LRRTM4: variants seen among roughly 807,000 people sequenced by gnomAD.
The protein encoded by LRRTM4 is leucine rich repeat transmembrane neuronal 4.
LRRTM4 carries 25 observed loss-of-function variants against 47.6 expected under a neutral mutation model. The ratio of observed to expected loss-of-function variants is 0.53; its 90% CI spans 0.38 to 0.73. The LOEUF is 0.73. LRRTM4 is among the 30% of genes least tolerant of loss of function. LRRTM4 has a pLI of 0.00. For synonymous variants in LRRTM4, 311 were observed against 269.5 expected, an observed-to-expected ratio of 1.15 and a Z score of -1.51; for missense variants, 638 against 713.4, an observed-to-expected ratio of 0.89 and a Z score of 1.20.
At chr2:77,192,629 C>A (rs1276342174) in intron 3 of LRRTM4, among the ~76,000 whole-genome samples, 1 of 146,784 alleles carries the variant, frequency 6.8e-6, no homozygotes, top group Non-Finnish European at 1.5e-5. Flanking sequence ...GTAGACTGCA[C>A]AATTTCCAAA....
chr2:76,907,854 G>C (rs1422602687), intron 3 of LRRTM4, among the ~76,000 whole-genome samples: 1 of 138,026 alleles, frequency 7.2e-6, no homozygotes, highest in Non-Finnish European at 1.5e-5. Context: ...ATAATCAATA[G>C]CTTACCAACC....
chr2:77,077,364 G>C (rs1440397567), intron 3 of LRRTM4, among the ~76,000 whole-genome samples: 1 of 152,086 alleles, frequency 6.6e-6, no homozygotes, highest in Non-Finnish European at 1.5e-5. Flanking sequence ...CCCAGTCTAG[G>C]AACATGGTAA....
intron 3 of LRRTM4, among the ~76,000 whole-genome samples, chr2:76,827,708 G>A (rs1671226924): frequency 6.6e-6 from 1 of 151,832 alleles, no homozygotes; most frequent in Non-Finnish European, 1.5e-5. Flanking sequence ...AATATATTGA[G>A]TACTGATAAG....
intron 3 of LRRTM4, among the ~76,000 whole-genome samples, chr2:76,960,974 AT>A (rs1675838946): frequency 6.6e-6 from 1 of 151,482 alleles, no homozygotes; most frequent in African/African-American, 2.4e-5. Context: ...AAGATAATTT[AT>A]TTTTTCAATA....
intron 3 of LRRTM4, among the ~76,000 whole-genome samples, chr2:76,902,560 G>C (rs906481136): frequency 6.6e-6 from 1 of 152,188 alleles, no homozygotes; most frequent in African/African-American, 2.4e-5. Flanking sequence ...TTGGGGGATA[G>C]AACTAGAAGA....
intron 3 of LRRTM4, among the ~76,000 whole-genome samples, chr2:76,995,514 G>A (rs746543334): frequency 1.3e-4 from 5 of 38,932 alleles, no homozygotes; most frequent in East Asian, 1.3e-3. Context: ...GAAGTTTCTA[G>A]ATCAAATTCT....
chr2:76,887,670 T>C (rs1486016251), intron 3 of LRRTM4, among the ~76,000 whole-genome samples: 1 of 132,588 alleles, frequency 7.5e-6, no homozygotes, highest in Non-Finnish European at 1.6e-5. Context: ...TGTATTTATA[T>C]ATATATGTGC....
chr2:77,476,669 T>C (rs908308089), intron 3 of LRRTM4, among the ~76,000 whole-genome samples: 1 of 152,148 alleles, frequency 6.6e-6, no homozygotes, highest in Non-Finnish European at 1.5e-5. Context: ...ATGACATATT[T>C]CATGACGTAG....
intron 3 of LRRTM4, among the ~76,000 whole-genome samples, chr2:77,436,423 A>AT (rs1478307221): frequency 6.6e-6 from 1 of 151,944 alleles, no homozygotes; most frequent in African/African-American, 2.4e-5. Context: ...ATTATATGTG[A>AT]TTTTTATAAT....
intron 3 of LRRTM4, among the ~76,000 whole-genome samples, chr2:76,871,985 G>A (rs927009654): frequency 1.6e-4 from 25 of 152,284 alleles, no homozygotes; most frequent in African/African-American, 5.8e-4. Flanking sequence ...GTCAGCAACT[G>A]GATTGAAGCC....
chr2:77,303,528 A>C (rs941525491), intron 3 of LRRTM4, among the ~76,000 whole-genome samples: 14 of 152,226 alleles, frequency 9.2e-5, no homozygotes, highest in African/African-American at 3.4e-4. Flanking sequence ...TTGCTGGCTC[A>C]GACTTTATCA....
rs1160398444 is a variant in LRRTM4 at position 76,798,415 on chromosome 2, A to G, written c.1552-49499T>C. 4.0e-5 allele frequency among the ~76,000 whole-genome samples: 6 copies of G among 151,864 alleles called. No individual in the cohort carries two copies. In the South Asian group the frequency reaches 8.4e-4, roughly 21 times the overall value. The stretch of plus-strand genomic sequence containing the variant: ...CTTTGAAACCAACGAGAACAAAGAC[A>G]CAACATACCAGAATCTCTGGGACGC... On this transcript the variant is annotated intron_variant, in intron 3 of 3. Coordinates refer to ENST00000409884, the MANE Select transcript of LRRTM4 (RefSeq NM_001134745.3).
intron 3 of LRRTM4, among the ~76,000 whole-genome samples, chr2:77,244,649 A>T (rs1675379721): frequency 6.6e-6 from 1 of 151,930 alleles, no homozygotes; most frequent in South Asian, 2.1e-4. Context: ...GGCTAGACTT[A>T]GAAGTTCATA....
At chr2:77,344,870 G>A (rs546947868) in intron 3 of LRRTM4, among the ~76,000 whole-genome samples, 25 of 150,974 alleles carry the variant, frequency 1.7e-4, no homozygotes, top group Admixed American at 9.9e-4. Context: ...TTAATGTCTC[G>A]ATGAACATAC....
intron 3 of LRRTM4, among the ~76,000 whole-genome samples, chr2:77,175,818 AC>A (rs1367068652): frequency 6.6e-6 from 1 of 151,946 alleles, no homozygotes; most frequent in Non-Finnish European, 1.5e-5. Context: ...CAACAACCAC[AC>A]CTGGCTAATT....
At chr2:77,085,948 A>T (rs2103869230) in intron 3 of LRRTM4, among the ~76,000 whole-genome samples, 1 of 152,286 alleles carries the variant, frequency 6.6e-6, no homozygotes, top group South Asian at 2.1e-4. Context: ...AAATTTCTTT[A>T]TGCTATTGTC....
chr2:76,995,144 A>T (rs113384455), intron 3 of LRRTM4, among the ~76,000 whole-genome samples: 2,060 of 152,178 alleles, frequency 0.014, 51 homozygotes, highest in African/African-American at 0.047. Flanking sequence ...AATGCATATA[A>T]GAGACAGAAA....
intron 3 of LRRTM4, among the ~76,000 whole-genome samples, chr2:77,061,945 T>C (rs1482838836): frequency 6.6e-6 from 1 of 152,184 alleles, no homozygotes; most frequent in African/African-American, 2.4e-5. Flanking sequence ...TTAAACAAAA[T>C]ATTTAATGTA....
intron 3 of LRRTM4, among the ~76,000 whole-genome samples, chr2:76,921,014 G>A (rs1674417217): frequency 6.6e-6 from 1 of 151,928 alleles, no homozygotes; most frequent in African/African-American, 2.4e-5. Context: ...TGGTTCACTT[G>A]TCAAAACTAA....
Sources: allele counts gnomAD v4.1 joint callset (sites outside exome capture counted in the v4.1 genomes callset), GRCh38; gene constraint gnomAD v4.1.1; transcripts MANE v1.5; gene names NCBI Gene and HGNC (gene_info 2026-07-23, HGNC 2026-07-21).